The following KIAA1217 variants were observed in gnomAD, a reference collection of about 807,000 sequenced individuals.
KIAA1217 encodes the protein KIAA1217.
A neutral mutation model predicts 163.9 loss-of-function variants in KIAA1217; 88 were observed. That is an observed-to-expected ratio of 0.54 (90% CI 0.45 to 0.64). KIAA1217 has a LOEUF of 0.64. Ranked by LOEUF, KIAA1217 falls within the 30% of genes least tolerant of loss-of-function variation. KIAA1217 has a pLI of 0.00. For missense variants in KIAA1217, 2,372 were observed against 2,475.0 expected (o/e 0.96, Z 0.88); for synonymous variants, 903 against 923.1 (o/e 0.98, Z 0.39).
At chr10:24,545,411 C>G (rs1592856713) in intron 20 of KIAA1217, 2 of 1,305,460 alleles carry the variant, frequency 1.5e-6, no homozygotes, top group African/African-American at 3.0e-5. Flanking sequence ...CCTCGGGAAG[C>G]AGAGACAAAC....
At chr10:24,303,495 A>G (rs953096042) in intron 2 of KIAA1217, among the ~76,000 whole-genome samples, 2 of 152,172 alleles carry the variant, frequency 1.3e-5, no homozygotes, top group African/African-American at 4.8e-5. Context: ...CACAGAGTTG[A>G]TGGGATTTAC....
rs556212110 is a variant in KIAA1217, at chr10:23,725,034, T to A, written c.-321+29800T>A. Among the ~76,000 whole-genome samples the A allele has an allele frequency of 3.9e-5, 6 of 152,314 alleles. No individual in the cohort carries two copies. The South Asian group carries it at 1.2e-3, about 32-fold the overall frequency. ...GAGCCTCCCTACACCCAAAACTTTATGACAACCTTTCATACAAGGTGCCTC... is the reference window on the plus strand; with the variant it reads ...GAGCCTCCCTACACCCAAAACTTTAAGACAACCTTTCATACAAGGTGCCTC... On this transcript the variant is annotated intron_variant, in intron 1 of 18. Coordinates refer to the KIAA1217 transcript ENST00000376462.
chr10:24,543,086 C>A lies in KIAA1217; in HGVS notation c.3816C>A (p.Gly1272=), dbSNP rs140702762. ...TVPKASFGFS[G]ISPLEDEINK... is the part of the protein sequence containing the mutation. ...CTAAGGCCAGTTTCGGTTTCTCTGGCATTAGTCCATTAGAAGATGAAATAA... is the reference window on the plus strand; with the variant it reads ...CTAAGGCCAGTTTCGGTTTCTCTGGAATTAGTCCATTAGAAGATGAAATAA... Residue 1272 remains glycine, a synonymous_variant, in exon 19 of 21, where the codon GGC becomes GGA. Coordinates refer to ENST00000376454, the MANE Select transcript of KIAA1217 (RefSeq NM_019590.5). 5 of 1,613,444 alleles carry A rather than the reference C, an allele frequency of 3.1e-6. No individual in the cohort carries two copies. The African/African-American group carries it at 5.3e-5, about 17-fold the overall frequency.
At chr10:24,130,600 T>C (rs1425006989) in intron 2 of KIAA1217, among the ~76,000 whole-genome samples, 1 of 152,164 alleles carries the variant, frequency 6.6e-6, no homozygotes, top group African/African-American at 2.4e-5. Context: ...GCATTCTTAA[T>C]TGAAAAAATG....
chr10:24,095,418 A>G (rs1403315545), intron 2 of KIAA1217, among the ~76,000 whole-genome samples: 1 of 152,152 alleles, frequency 6.6e-6, no homozygotes, highest in Non-Finnish European at 1.5e-5. Context: ...CTATAGCTTC[A>G]TGAGGACTTG....
At chr10:24,224,949 C>T (rs2070282049) in intron 2 of KIAA1217, among the ~76,000 whole-genome samples, 1 of 151,490 alleles carries the variant, frequency 6.6e-6, no homozygotes, top group Non-Finnish European at 1.5e-5. Context: ...GCCTCAGCCT[C>T]CCGAGTAGCT....
chr10:24,063,943 G>A (rs1243498216), intron 2 of KIAA1217, among the ~76,000 whole-genome samples: 1 of 152,134 alleles, frequency 6.6e-6, no homozygotes, highest in African/African-American at 2.4e-5. Flanking sequence ...CTCTCTGTTT[G>A]TCTGTTATTG....
chr10:23,797,060 T>A (rs545922243), intron 1 of KIAA1217, among the ~76,000 whole-genome samples: 2 of 152,316 alleles, frequency 1.3e-5, no homozygotes, highest in South Asian at 2.1e-4. Flanking sequence ...CTTACTATGT[T>A]GCTCAGGCTA....
chr10:23,838,900 T>C (rs1487185494), intron 1 of KIAA1217, among the ~76,000 whole-genome samples: 3 of 152,228 alleles, frequency 2.0e-5, no homozygotes, highest in Non-Finnish European at 4.4e-5. Flanking sequence ...GTTTCAATAA[T>C]CTATTATCTG....
At chr10:23,937,271 T>C (rs1843571982) in intron 1 of KIAA1217, among the ~76,000 whole-genome samples, 1 of 152,184 alleles carries the variant, frequency 6.6e-6, no homozygotes, top group African/African-American at 2.4e-5. Flanking sequence ...GCGCACCTAC[T>C]ATGACTGAAA....
At chr10:24,512,467 G>C (rs985789932) in intron 9 of KIAA1217, among the ~76,000 whole-genome samples, 4 of 152,174 alleles carry the variant, frequency 2.6e-5, no homozygotes, top group Admixed American at 1.3e-4. Flanking sequence ...TGCGAAGCCT[G>C]AATAAAGCTC....
rs1222570017 is a variant in KIAA1217, at chr10:23,790,514, T to C, written c.-321+95280T>C. 1.8e-5 allele frequency among the ~76,000 whole-genome samples: 2 copies of C among 113,946 alleles called. 1 individual carries two copies. Among genetic ancestry groups the C allele is most frequent in the African/African-American group, 7.9e-5 (2 of 25,422 alleles). The allele number at this position is 113,946 out of a possible 152,430, so 74.8% of individuals were successfully genotyped here. ...ATATATACATGTGCATATATACATA[T>C]GTATATATACATATATACATATACA... On this transcript the variant is annotated intron_variant, in intron 1 of 18. Transcript: ENST00000376462.
At chr10:24,351,423 G>T (rs921197990) in intron 2 of KIAA1217, among the ~76,000 whole-genome samples, 6 of 152,140 alleles carry the variant, frequency 3.9e-5, no homozygotes, top group Non-Finnish European at 8.8e-5. Context: ...TCCAAGGTCA[G>T]TGTTCATGCG....
intron 1 of KIAA1217, among the ~76,000 whole-genome samples, chr10:23,807,440 G>T (rs1836792217): frequency 6.6e-6 from 1 of 152,246 alleles, no homozygotes; most frequent in Non-Finnish European, 1.5e-5. Flanking sequence ...CAGGAATGAG[G>T]CCTGGGCCAT....
chr10:23,726,315 T>C (rs1189829670), intron 1 of KIAA1217, among the ~76,000 whole-genome samples: 1 of 151,380 alleles, frequency 6.6e-6, no homozygotes, highest in Admixed American at 6.6e-5. Flanking sequence ...TTTTTTTTTT[T>C]TTAGACAAAT....
At chr10:24,463,612 A>G (rs1456617991) in intron 5 of KIAA1217, among the ~76,000 whole-genome samples, 3 of 152,258 alleles carry the variant, frequency 2.0e-5, no homozygotes, top group Non-Finnish European at 4.4e-5. Flanking sequence ...CTTCATATCT[A>G]TAGGCACAGT....
At chr10:24,261,958 A>C (rs962785399) in intron 2 of KIAA1217, among the ~76,000 whole-genome samples, 1 of 152,226 alleles carries the variant, frequency 6.6e-6, no homozygotes, top group Non-Finnish European at 1.5e-5. Flanking sequence ...TTTCACAGAA[A>C]ACCCTTCTCA....
intron 1 of KIAA1217, among the ~76,000 whole-genome samples, chr10:24,000,631 A>G (rs1846696630): frequency 6.6e-6 from 1 of 152,254 alleles, no homozygotes; most frequent in Non-Finnish European, 1.5e-5. Context: ...TTTCTGTGCC[A>G]TGCAGTATCC....
intron 16 of KIAA1217, among the ~76,000 whole-genome samples, chr10:24,533,804 T>C (rs1448899339): frequency 3.3e-5 from 5 of 152,164 alleles, no homozygotes; most frequent in Non-Finnish European, 1.5e-5. Context: ...ACTGTATCAG[T>C]TTTAGATATT....
Sources: gnomAD v4.1 joint callset for allele counts (sites outside exome capture counted in the v4.1 genomes callset) on GRCh38, gnomAD v4.1.1 for gene constraint, MANE v1.5 for transcripts, NCBI Gene and HGNC (gene_info 2026-07-23, HGNC 2026-07-21) for gene names.